UNC13C: variants seen among roughly 807,000 people sequenced by gnomAD.
UNC13C encodes unc-13 homolog C, also known as protein unc-13 homolog C.
In UNC13C, 174 loss-of-function variants were observed where a neutral mutation model predicts 245.4. The observed-to-expected ratio is 0.71, with a 90% CI of 0.63 to 0.80. The LOEUF (loss-of-function observed/expected upper bound fraction) is 0.80. UNC13C is among the 30% of genes least tolerant of loss of function. The pLI is 0.00. For missense variants in UNC13C, 2,829 were observed against 2,602.9 expected (o/e 1.09, Z -1.89); for synonymous variants, 992 against 895.1 (o/e 1.11, Z -1.93).
intron 2 of UNC13C, among the ~76,000 whole-genome samples, chr15:54,073,380 C>T (rs141090065): frequency 1.3e-5 from 2 of 152,114 alleles, no homozygotes; most frequent in African/African-American, 4.8e-5. Context: ...GATTTATAAT[C>T]CTTTGGTTAT....
the UNC13C span, chr15:53,947,519 A>G: frequency 6.6e-6 from 1 of 152,190 alleles, no homozygotes; most frequent in East Asian, 1.9e-4. Context: ...TGCTCTACCA[A>G]CTGGAAGTAG....
intron 7 of UNC13C, among the ~76,000 whole-genome samples, chr15:54,239,738 C>A (rs1482962508): frequency 6.6e-6 from 1 of 152,204 alleles, no homozygotes; most frequent in South Asian, 2.1e-4. Flanking sequence ...AGGTGTGAGC[C>A]ACCATGGCCC....
intron 3 of UNC13C, 96 bp from the exon 4 acceptor site, chr15:54,143,524 T>C: frequency 1.1e-6 from 1 of 871,838 alleles, no homozygotes; most frequent in Admixed American, 2.0e-5. Context: ...GTGTTACGTG[T>C]GTAGTGCAGC....
intron 14 of UNC13C, among the ~76,000 whole-genome samples, chr15:54,329,101 T>C (rs951629445): frequency 1.8e-5 from 2 of 109,052 alleles, no homozygotes; most frequent in African/African-American, 7.3e-5. Context: ...TTTTTTTTTT[T>C]GCTTGGATTT....
chr15:54,210,156 A>G (rs927598125), intron 4 of UNC13C, among the ~76,000 whole-genome samples: 9 of 150,742 alleles, frequency 6.0e-5, no homozygotes, highest in Non-Finnish European at 3.0e-5. Flanking sequence ...TTGTTGTTCC[A>G]GAAATGAAAT....
chr15:54,571,030 T>A (rs1897731674), intron 30 of UNC13C, among the ~76,000 whole-genome samples: 1 of 152,236 alleles, frequency 6.6e-6, no homozygotes, highest in South Asian at 2.1e-4. Context: ...CCATTGGTGC[T>A]CTTCCTGCAG....
chr15:54,353,092 T>A (rs2039020145), intron 17 of UNC13C, among the ~76,000 whole-genome samples: 1 of 152,124 alleles, frequency 6.6e-6, no homozygotes, highest in African/African-American at 2.4e-5. Flanking sequence ...ATATATACAA[T>A]AAATAAAATT....
the UNC13C span, among the ~76,000 whole-genome samples, chr15:53,852,262 T>C: frequency 8.5e-5 from 13 of 152,308 alleles, no homozygotes; most frequent in Middle Eastern, 6.8e-3. Context: ...TCTTCTGTGC[T>C]GATTGGATTG....
the UNC13C span, among the ~76,000 whole-genome samples, chr15:53,906,408 C>A: frequency 6.6e-6 from 1 of 152,202 alleles, no homozygotes; most frequent in African/African-American, 2.4e-5. Flanking sequence ...GCATTCCTGC[C>A]TGTGATTTCC....
chr15:54,429,699 T>C (rs1244964966), intron 19 of UNC13C, among the ~76,000 whole-genome samples: 1 of 151,686 alleles, frequency 6.6e-6, no homozygotes, highest in Non-Finnish European at 1.5e-5. Context: ...TATCATTTAC[T>C]AATTTTTATT....
chr15:54,063,109 C>T (rs933429008), intron 2 of UNC13C, among the ~76,000 whole-genome samples: 3 of 152,152 alleles, frequency 2.0e-5, no homozygotes, highest in African/African-American at 7.2e-5. Context: ...CTTCCTATTT[C>T]AAAATATCTC....
chr15:54,396,327 A>G (rs931282270), intron 18 of UNC13C, among the ~76,000 whole-genome samples: 1 of 151,690 alleles, frequency 6.6e-6, no homozygotes, highest in African/African-American at 2.4e-5. Flanking sequence ...AAATGTTATC[A>G]TTATGTGTAA....
At chr15:54,063,693 T>C (rs1407651380) in intron 2 of UNC13C, among the ~76,000 whole-genome samples, 2 of 152,166 alleles carry the variant, frequency 1.3e-5, no homozygotes, top group African/African-American at 4.8e-5. Flanking sequence ...AAGAATCACT[T>C]GACCTTTTAA....
Position 54,300,283 on chromosome 15 carries a change from C to T in UNC13C, c.4178C>T (p.Ala1393Val). 1 of 1,594,588 alleles carries T rather than the reference C, an allele frequency of 6.3e-7. No homozygotes were observed. Among genetic ancestry groups the T allele is most frequent in the Non-Finnish European group, 8.6e-7 (1 of 1,169,574 alleles). ...VKIPEVKGDE[A>V]WKVFFDDASQ... is the part of the protein sequence containing the mutation. ...ATCCCAGAAGTCAAAGGGGATGAAG[C>T]CTGGAAGGTTTTCTTTGATGATGCT... The change falls in exon 13 of 33, where the codon GCC (alanine) becomes GTC (valine). Residue 1393 changes from alanine (A) to valine (V), a missense_variant. Physicochemically the swap from Ala to Val is moderately conservative, Grantham distance 64. Transcript: ENST00000260323.
At chr15:54,072,025 T>A (rs962406496) in intron 2 of UNC13C, among the ~76,000 whole-genome samples, 3 of 152,186 alleles carry the variant, frequency 2.0e-5, no homozygotes, top group Admixed American at 2.0e-4. Flanking sequence ...TTGCTTCTAC[T>A]GCCATCTGGG....
At chr15:53,841,892 A>C in the UNC13C span, among the ~76,000 whole-genome samples, 3 of 152,194 alleles carry the variant, frequency 2.0e-5, no homozygotes, top group Non-Finnish European at 2.9e-5. Context: ...TTTGCACAGA[A>C]GGTTACTACT....
chr15:53,857,433 T>A, the UNC13C span, among the ~76,000 whole-genome samples: 1 of 152,150 alleles, frequency 6.6e-6, no homozygotes, highest in Non-Finnish European at 1.5e-5. Context: ...ATGTATGAGA[T>A]GGCAAGGCTA....
intron 18 of UNC13C, among the ~76,000 whole-genome samples, chr15:54,408,572 A>G (rs1453375136): frequency 6.6e-6 from 1 of 152,202 alleles, no homozygotes; most frequent in African/African-American, 2.4e-5. Flanking sequence ...CAAAAATGAT[A>G]TGATTACAAA....
At chr15:54,040,767 T>C (rs1305519119) in intron 2 of UNC13C, among the ~76,000 whole-genome samples, 1 of 152,190 alleles carries the variant, frequency 6.6e-6, no homozygotes, top group Non-Finnish European at 1.5e-5. Context: ...AATATGCCTA[T>C]GGTACTAACA....
Sources: gnomAD v4.1 joint callset for allele counts (sites outside exome capture counted in the v4.1 genomes callset) on GRCh38, gnomAD v4.1.1 for gene constraint, MANE v1.5 for transcripts, NCBI Gene and HGNC (gene_info 2026-07-23, HGNC 2026-07-21) for gene names.